The following GTF2F2 variants were observed in gnomAD, a reference collection of about 807,000 sequenced individuals.
GTF2F2 encodes the protein general transcription factor IIF subunit 2, also known as ATP-dependent helicase GTF2F2.
Under a neutral mutation model 42.2 loss-of-function variants are expected in GTF2F2, and 23 were observed. The ratio of observed to expected loss-of-function variants is 0.55; its 90% confidence interval spans 0.39 to 0.77. The LOEUF (loss-of-function observed/expected upper bound fraction) is 0.77. Ranked by LOEUF, GTF2F2 falls within the 30% of genes least tolerant of loss-of-function variation. The pLI, the probability that GTF2F2 is intolerant of heterozygous loss-of-function variation, is 0.00. For synonymous variants in GTF2F2, 105 were observed against 100.8 expected, an observed-to-expected ratio of 1.04 and a Z score of -0.25; for missense variants, 261 against 287.2, an observed-to-expected ratio of 0.91 and a Z score of 0.66.
At chr13:45,150,958 G>A (rs1414598231) in intron 3 of GTF2F2, among the ~76,000 whole-genome samples, 2 of 151,734 alleles carry the variant, frequency 1.3e-5, no homozygotes, top group African/African-American at 4.8e-5. Flanking sequence ...TTTTGTTTTT[G>A]TTTTTTATTT....
intron 6 of GTF2F2, among the ~76,000 whole-genome samples, chr13:45,253,915 A>T (rs1283211821): frequency 6.6e-6 from 1 of 152,188 alleles, no homozygotes; most frequent in Non-Finnish European, 1.5e-5. Flanking sequence ...TCTACTAAAA[A>T]TACAAAAATT....
chr13:45,194,610 A>AT (rs1302028845), intron 4 of GTF2F2: 11 of 1,552,986 alleles, frequency 7.1e-6, no homozygotes, highest in Non-Finnish European at 9.6e-6. Context: ...TGGCTTTGAG[A>AT]TTTTTTAAAA....
intron 4 of GTF2F2, among the ~76,000 whole-genome samples, chr13:45,171,063 C>T (rs1593469026): frequency 1.3e-5 from 2 of 149,346 alleles, no homozygotes; most frequent in East Asian, 3.9e-4. Flanking sequence ...CTGCCTAAAA[C>T]CCTATCTTTT....
intron 4 of GTF2F2, among the ~76,000 whole-genome samples, chr13:45,162,292 C>T (rs1871076013): frequency 6.6e-6 from 1 of 152,194 alleles, no homozygotes; most frequent in South Asian, 2.1e-4. Flanking sequence ...ACTTTGGCAG[C>T]TAGTGGTTCT....
At chr13:45,155,840 G>T (rs1226871985) in intron 4 of GTF2F2, among the ~76,000 whole-genome samples, 1 of 151,980 alleles carries the variant, frequency 6.6e-6, no homozygotes, top group Non-Finnish European at 1.5e-5. Flanking sequence ...CATGTGTTTG[G>T]CCTTACATTT....
chr13:45,202,443 G>A (rs1220725816), intron 4 of GTF2F2, among the ~76,000 whole-genome samples: 1 of 151,898 alleles, frequency 6.6e-6, no homozygotes, highest in Non-Finnish European at 1.5e-5. Context: ...CTGAGTGGGT[G>A]TGTGTGTGTG....
At chr13:45,161,605 G>C (rs557086899) in intron 4 of GTF2F2, among the ~76,000 whole-genome samples, 2 of 152,288 alleles carry the variant, frequency 1.3e-5, no homozygotes, top group African/African-American at 4.8e-5. Context: ...AGGTTGGGAG[G>C]CCAAGGTGGG....
intron 6 of GTF2F2, among the ~76,000 whole-genome samples, chr13:45,260,273 G>A (rs1394542009): frequency 6.6e-6 from 1 of 152,098 alleles, no homozygotes; most frequent in East Asian, 1.9e-4. Context: ...GATGTTTGTA[G>A]GACTATATCA....
At chr13:45,203,115 C>T (rs1873272901) in intron 4 of GTF2F2, among the ~76,000 whole-genome samples, 5 of 152,092 alleles carry the variant, frequency 3.3e-5, no homozygotes, top group South Asian at 2.1e-4. Flanking sequence ...CTCATTCTGT[C>T]GCCCAGGCTG....
chr13:45,254,580 G>A (rs1408398083), intron 6 of GTF2F2, among the ~76,000 whole-genome samples: 2 of 152,154 alleles, frequency 1.3e-5, no homozygotes, highest in African/African-American at 2.4e-5. Context: ...CAGAGAGACT[G>A]GCTTACCTGA....
intron 4 of GTF2F2, among the ~76,000 whole-genome samples, chr13:45,176,793 T>C (rs1399096984): frequency 2.6e-5 from 4 of 152,046 alleles, no homozygotes; most frequent in African/African-American, 9.7e-5. Flanking sequence ...TTTTCTTTTC[T>C]TCTTTTTTTT....
In GTF2F2 at chr13:45,281,964, C is replaced by T. The variant is rs577585929; in HGVS notation, c.631-1478C>T. Among the ~76,000 whole-genome samples, 8 of 152,110 alleles carry T rather than the reference C, an allele frequency of 5.3e-5. No homozygotes were observed. The South Asian group carries it at 1.2e-3, about 24-fold the overall frequency. ...CTGTAATCCCAGCACTTTGGGAGGC[C>T]GAAGTGGGTGGATCACCTGAGGACA... On this transcript the variant is annotated intron_variant, in intron 7 of 7. Transcript: ENST00000340473.
At chr13:45,280,120 A>G (rs1877200999) in intron 7 of GTF2F2, among the ~76,000 whole-genome samples, 1 of 152,142 alleles carries the variant, frequency 6.6e-6, no homozygotes, top group Non-Finnish European at 1.5e-5. Context: ...AGGAAAGGAG[A>G]TAAACGTTAC....
intron 6 of GTF2F2, among the ~76,000 whole-genome samples, chr13:45,254,083 A>G (rs1566152253): frequency 2.6e-5 from 4 of 151,878 alleles, no homozygotes; most frequent in South Asian, 2.1e-4. Context: ...AAAAAAAAAA[A>G]AAAGAAAGAA....
chr13:45,126,715 A>G (rs1869025166), intron 1 of GTF2F2, among the ~76,000 whole-genome samples: 3 of 152,244 alleles, frequency 2.0e-5, no homozygotes, highest in Admixed American at 6.5e-5. Flanking sequence ...TATAGGAGAC[A>G]GACATCAGTC....
Position 45,215,758 on chromosome 13 carries a change from A to G in GTF2F2, c.386+8253A>G, listed in dbSNP as rs772235969. 3.6e-5 allele frequency among the ~76,000 whole-genome samples: 4 copies of G among 111,712 alleles called. No individual in the cohort carries two copies. In the Admixed American group the frequency reaches 4.2e-4, roughly 12 times the overall value. 73.3% of individuals were successfully genotyped at this position (111,712 alleles called of 152,430 possible). A position where few individuals can be genotyped will look rare whatever the true frequency, so the allele number is the denominator to read the frequency against. ...GGGTGACAGAGCGGGACTCTGTCTG[A>G]AAAAAAAAAAAAAAGACTAAAACTG... On this transcript the variant is annotated intron_variant, in intron 5 of 7. Transcript: ENST00000340473.
chr13:45,181,604 TATAAA>T (rs1374890324), intron 4 of GTF2F2, among the ~76,000 whole-genome samples: 1 of 152,114 alleles, frequency 6.6e-6, no homozygotes, highest in South Asian at 2.1e-4. Flanking sequence ...TAGAAGTAAA[TATAAA>T]ATAAATCTAT....
chr13:45,212,544 C>CTCTCTCTCTTTCTCTCTTTCTT (rs1566137261), intron 5 of GTF2F2, among the ~76,000 whole-genome samples: 1 of 143,478 alleles, frequency 7.0e-6, no homozygotes, highest in Non-Finnish European at 1.5e-5. Context: ...CTCACTTTCT[C>CTCTCTCTCTTTCTCTCTTTCTT]TCTCTCTCTT....
chr13:45,126,308 A>G (rs1478209172), intron 1 of GTF2F2, among the ~76,000 whole-genome samples: 9 of 145,348 alleles, frequency 6.2e-5, no homozygotes, highest in African/African-American at 1.0e-4. Flanking sequence ...CTGGAGTGCA[A>G]TGGTGTGATC....
Sources: allele counts gnomAD v4.1 joint callset (sites outside exome capture counted in the v4.1 genomes callset), GRCh38; gene constraint gnomAD v4.1.1; transcripts MANE v1.5; gene names NCBI Gene and HGNC (gene_info 2026-07-23, HGNC 2026-07-21).